The following LINGO2 variants were observed in gnomAD, a reference collection of about 807,000 sequenced individuals.
The protein encoded by LINGO2 is leucine-rich repeat and immunoglobulin-like domain-containing nogo receptor-interacting protein 2.
LINGO2 carries 14 observed loss-of-function variants against 30.6 expected under a neutral mutation model. The observed-to-expected ratio is 0.46, with a 90% confidence interval of 0.30 to 0.72. LINGO2 has a LOEUF of 0.72. Ranked by LOEUF, LINGO2 falls within the 30% of genes least tolerant of loss-of-function variation. The pLI is 0.07. For synonymous variants in LINGO2, 317 were observed against 288.5 expected, an observed-to-expected ratio of 1.10 and a Z score of -1.00; for missense variants, 729 against 751.7, an observed-to-expected ratio of 0.97 and a Z score of 0.35.
the LINGO2 span, among the ~76,000 whole-genome samples, chr9:28,823,011 C>T: frequency 0.37 from 56,946 of 151,976 alleles, 12,630 homozygotes; most frequent in Middle Eastern, 0.5. Flanking sequence ...TATTAACATG[C>T]TTAATTCTCA....
chr9:28,399,664 G>T (rs1369175539), intron 2 of LINGO2, among the ~76,000 whole-genome samples: 1 of 152,118 alleles, frequency 6.6e-6, no homozygotes, highest in African/African-American at 2.4e-5. Flanking sequence ...ATACTATGGG[G>T]TTAATACTTC....
the LINGO2 span, among the ~76,000 whole-genome samples, chr9:28,959,612 T>TCTCACACACACACACACA: frequency 6.8e-5 from 9 of 132,160 alleles, no homozygotes; most frequent in African/African-American, 2.9e-4. Flanking sequence ...TCTCTCTCCC[T>TCTCACACACACACACACA]CACACACACA....
At chr9:28,919,829 A>G in the LINGO2 span, among the ~76,000 whole-genome samples, 1 of 152,212 alleles carries the variant, frequency 6.6e-6, no homozygotes, top group African/African-American at 2.4e-5. Flanking sequence ...AACCACTGCT[A>G]ACTTTAAACA....
chr9:28,042,413 C>T (rs1824235261), intron 4 of LINGO2, among the ~76,000 whole-genome samples: 1 of 152,174 alleles, frequency 6.6e-6, no homozygotes. Flanking sequence ...GAAAAAGTCA[C>T]TGGTATATGC....
intron 4 of LINGO2, among the ~76,000 whole-genome samples, chr9:28,019,330 T>TC (rs1554659385): frequency 0.046 from 6,881 of 150,406 alleles, 272 homozygotes; most frequent in African/African-American, 0.11. Flanking sequence ...TTTTTTTTTT[T>TC]CCATTCCTTA....
At chr9:28,760,055 A>G in the LINGO2 span, among the ~76,000 whole-genome samples, 1 of 152,084 alleles carries the variant, frequency 6.6e-6, no homozygotes, top group Non-Finnish European at 1.5e-5. Context: ...GACAATTATA[A>G]TAAAATATTA....
At chr9:28,138,555 C>T (rs1827581685) in intron 4 of LINGO2, among the ~76,000 whole-genome samples, 1 of 152,102 alleles carries the variant, frequency 6.6e-6, no homozygotes, top group African/African-American at 2.4e-5. Context: ...CCTTCATTGC[C>T]TCCAGTCTTT....
the LINGO2 span, among the ~76,000 whole-genome samples, chr9:29,136,172 C>CA: frequency 2.1e-4 from 32 of 152,060 alleles, no homozygotes; most frequent in African/African-American, 7.2e-4. Context: ...ATTTTTAATC[C>CA]AAAATGGAAA....
At chr9:28,419,799 T>C (rs1248790791) in intron 2 of LINGO2, among the ~76,000 whole-genome samples, 2 of 121,542 alleles carry the variant, frequency 1.6e-5, no homozygotes, top group African/African-American at 5.5e-5. Flanking sequence ...AGAACAAAGT[T>C]ATGTATAATT....
chr9:28,228,339 A>G (rs1334832405), intron 4 of LINGO2, among the ~76,000 whole-genome samples: 1 of 152,024 alleles, frequency 6.6e-6, no homozygotes, highest in African/African-American at 2.4e-5. Context: ...AACTTTCTAT[A>G]TAGCTTCTAC....
upstream of LINGO2, among the ~76,000 whole-genome samples, chr9:28,674,582 C>T (rs1431506526): frequency 6.6e-6 from 1 of 152,106 alleles, no homozygotes; most frequent in Non-Finnish European, 1.5e-5. Flanking sequence ...TATAGTGATT[C>T]TCACACTTTA....
At chr9:28,314,185 C>T (rs111567747) in intron 3 of LINGO2, among the ~76,000 whole-genome samples, 6 of 152,304 alleles carry the variant, frequency 3.9e-5, no homozygotes, top group African/African-American at 1.2e-4. Context: ...CTGTCCGCCT[C>T]GGCCTCCCAA....
chr9:28,241,979 A>G (rs1158195442), intron 4 of LINGO2, among the ~76,000 whole-genome samples: 1 of 152,262 alleles, frequency 6.6e-6, no homozygotes, highest in East Asian at 1.9e-4. Context: ...AACAGCCTCA[A>G]AGATCAAAAC....
At chr9:29,055,144 A>C in the LINGO2 span, among the ~76,000 whole-genome samples, 1 of 152,038 alleles carries the variant, frequency 6.6e-6, no homozygotes, top group Non-Finnish European at 1.5e-5. Flanking sequence ...GCTTGAACCC[A>C]GGAGGCAGAC....
At chr9:29,185,290 A>T in the LINGO2 span, among the ~76,000 whole-genome samples, 1 of 152,174 alleles carries the variant, frequency 6.6e-6, no homozygotes. Context: ...ACTCTATGGA[A>T]CAAAGTAAGT....
chr9:28,525,484 GA>G (rs1389286758), intron 1 of LINGO2, among the ~76,000 whole-genome samples: 1 of 152,176 alleles, frequency 6.6e-6, no homozygotes, highest in African/African-American at 2.4e-5. Context: ...ATGCCACAAT[GA>G]AAAGGAATGA....
the LINGO2 span, among the ~76,000 whole-genome samples, chr9:29,084,012 C>T: frequency 3.3e-5 from 5 of 151,874 alleles, no homozygotes; most frequent in Non-Finnish European, 7.4e-5. Context: ...GTGTTCATTA[C>T]TCTGGAAGAA....
chr9:28,220,590 A>G (rs1015461580), intron 4 of LINGO2, among the ~76,000 whole-genome samples: 9 of 152,168 alleles, frequency 5.9e-5, no homozygotes, highest in Admixed American at 3.3e-4. Flanking sequence ...GATTTTTCAG[A>G]TCAACTTTAA....
At chr9:28,750,546 A>G in the LINGO2 span, among the ~76,000 whole-genome samples, 1 of 152,038 alleles carries the variant, frequency 6.6e-6, no homozygotes, top group Non-Finnish European at 1.5e-5. Flanking sequence ...CTGCTTTACC[A>G]CTTGCCAACC....
Sources: gnomAD v4.1 joint callset for allele counts (sites outside exome capture counted in the v4.1 genomes callset) on GRCh38, gnomAD v4.1.1 for gene constraint, MANE v1.5 for transcripts, NCBI Gene and HGNC (gene_info 2026-07-23, HGNC 2026-07-21) for gene names.